FERMT1: variants seen among roughly 807,000 people sequenced by gnomAD.
FERMT1 encodes the protein FERM domain containing kindlin 1.
In FERMT1, 60 loss-of-function variants were observed where a neutral mutation model predicts 85.3. That is an observed-to-expected ratio of 0.70 (90% CI 0.57 to 0.87). The LOEUF is 0.87. FERMT1 is among the 40% of genes least tolerant of loss of function. The pLI, the probability that FERMT1 is intolerant of heterozygous loss-of-function variation, is 0.00. For missense variants in FERMT1, 701 were observed against 818.9 expected (o/e 0.86, Z 1.76); for synonymous variants, 275 against 301.1 (o/e 0.91, Z 0.90).
chr20:6,084,161 C>T lies in FERMT1; in HGVS notation c.1597G>A (p.Ala533Thr). ...CAKRHKSKQL[A>T]ARILEAHQNV... is the part of the protein sequence containing the mutation. ...TGGTGCGCCTCCAGGATCCGGGCGG[C>T]CAGCTGAACAGAAACAGACATCAAC... The change falls in exon 13 of 15, where the codon GCC becomes ACC. Residue 533 changes from alanine to threonine, a missense_variant. By Grantham distance (58) the Ala-to-Thr change is moderately conservative. Coordinates refer to ENST00000217289, the MANE Select transcript of FERMT1 (RefSeq NM_017671.5). 2.5e-6 allele frequency: 4 copies of T among 1,610,540 alleles called. No individual in the cohort carries two copies. Among genetic ancestry groups the T allele is most frequent in the Non-Finnish European group, 3.4e-6 (4 of 1,178,456 alleles).
In FERMT1 at chr20:6,085,782, C is replaced by G. The variant is rs113265330; in HGVS notation, c.1372-495G>C. ...GGAGATCCCTTGAACTCAGGAGATG[C>G]AGGTTGCAGTGAGCCAAGATTGCAC... On this transcript the variant is annotated intron_variant, in intron 11 of 14. Coordinates refer to ENST00000217289, the MANE Select transcript of FERMT1 (RefSeq NM_017671.5). Among the ~76,000 whole-genome samples, 857 of 150,888 alleles carry G rather than the reference C, an allele frequency of 5.7e-3. 6 individuals carry two copies. The highest frequency in any genetic ancestry group is 0.02 in the African/African-American group (802 of 41,032).
intron 14 of FERMT1, among the ~76,000 whole-genome samples, chr20:6,078,633 G>A (rs1482161438): frequency 7.4e-6 from 1 of 134,678 alleles, no homozygotes. Context: ...CTAGTTCAGC[G>A]TTTTTTTTTT....
intron 13 of FERMT1, among the ~76,000 whole-genome samples, chr20:6,081,105 A>T (rs1302072525): frequency 6.6e-6 from 1 of 152,064 alleles, no homozygotes; most frequent in Non-Finnish European, 1.5e-5. Context: ...TGGGTAACAC[A>T]GTGAGATCCC....
At chr20:6,114,294 G>A (rs144266057) in intron 3 of FERMT1, among the ~76,000 whole-genome samples, 1 of 152,296 alleles carries the variant, frequency 6.6e-6, no homozygotes, top group Non-Finnish European at 1.5e-5. Flanking sequence ...GTTAAGATTT[G>A]TGTCTTTTCT....
chr20:6,083,662 C>G (rs796660103), intron 13 of FERMT1, among the ~76,000 whole-genome samples: 4,185 of 138,526 alleles, frequency 0.03, 153 homozygotes, highest in South Asian at 0.063. Context: ...GACACCCCCC[C>G]CCCCGGCCAC....
intron 2 of FERMT1, among the ~76,000 whole-genome samples, chr20:6,116,729 C>A (rs372742555): frequency 4.3e-4 from 61 of 140,840 alleles, no homozygotes; most frequent in South Asian, 4.6e-4. Context: ...ATCTCTGTCT[C>A]AAAAAAAAAA....
chr20:6,088,369 G>A (rs911305256), intron 10 of FERMT1, among the ~76,000 whole-genome samples: 3 of 152,146 alleles, frequency 2.0e-5, no homozygotes, highest in African/African-American at 4.8e-5. Flanking sequence ...AACTTTTCAG[G>A]ATCTTACAGC....
chr20:6,095,112 A>G (rs2051076055), intron 8 of FERMT1, 124 bp from the exon 9 acceptor site: 2 of 659,128 alleles, frequency 3.0e-6, no homozygotes, highest in Non-Finnish European at 5.6e-6. Flanking sequence ...ATTAATTCAA[A>G]TTAAATAAAA....
intron 13 of FERMT1, among the ~76,000 whole-genome samples, chr20:6,080,549 G>A (rs1417142235): frequency 6.6e-6 from 1 of 152,174 alleles, no homozygotes; most frequent in African/African-American, 2.4e-5. Flanking sequence ...GTAGAGGCAG[G>A]AACACCAAGC....
Position 6,083,928 on chromosome 20 carries a change from T to G in FERMT1, c.1718+112A>C. The G allele has an allele frequency of 4.7e-6, 6 of 1,272,728 alleles. No homozygotes were observed. In the South Asian group the frequency reaches 6.3e-5, roughly 13 times the overall value. The allele number at this position is 1,272,728 out of a possible 1,614,324, so 78.8% of individuals were successfully genotyped here. Reference sequence around the variant, plus strand: ...CAGGACTATTTATAAAAGGGCAATATTCTCAAATAAAAAGCATTCTATATT... The same window carrying G: ...CAGGACTATTTATAAAAGGGCAATAGTCTCAAATAAAAAGCATTCTATATT... On this transcript the variant is annotated intron_variant, in intron 13 of 14. Coordinates refer to ENST00000217289, the MANE Select transcript of FERMT1 (RefSeq NM_017671.5).
rs1220426276 is a variant in FERMT1, at chr20:6,085,158, C to A, written c.1501G>T (p.Ala501Ser). The A allele has an allele frequency of 1.2e-6, 2 of 1,614,060 alleles. No homozygotes were observed. The highest frequency in any genetic ancestry group is 1.7e-6 in the Non-Finnish European group (2 of 1,180,036). ...SFLRMKNRNSASQVASSLENM... is the reference protein window; with the variant it reads ...SFLRMKNRNSSSQVASSLENM... The stretch of plus-strand genomic sequence containing the variant: ...TCGAGACTGGAAGCCACCTGAGATG[C>A]AGAGTTCCTGTTTTTCATCCTCAGA... The change falls in exon 12 of 15, where the codon GCA becomes TCA. Residue 501 changes from alanine to serine, a missense_variant. By Grantham distance (99) the Ala-to-Ser change is moderately conservative. Transcript: ENST00000217289.
intron 6 of FERMT1, among the ~76,000 whole-genome samples, chr20:6,101,199 G>A (rs990674130): frequency 6.6e-6 from 1 of 152,202 alleles, no homozygotes; most frequent in Admixed American, 6.5e-5. Context: ...AGGTAATTTG[G>A]TGACATAAAG....
chr20:6,112,498 G>C lies in FERMT1; in HGVS notation c.511C>G (p.Pro171Ala), dbSNP rs1280691705. The change falls in exon 4 of 15, where the codon CCA becomes GCA. Residue 171 changes from proline (P) to alanine (A), a missense_variant. Pro to Ala is a conservative substitution (Grantham distance 27, BLOSUM62 -1). Transcript: ENST00000217289. Reference protein sequence around the residue: ...IEDILNLESSPTASGSSVSPG... With the variant: ...IEDILNLESSATASGSSVSPG... The stretch of plus-strand genomic sequence containing the variant: ...TTACCTGATGAACCTGAAGCTGTTG[G>C]AGAACTCTCCAGGTTTAGAATATCT... 6.2e-7 allele frequency: 1 copy of C among 1,613,742 alleles called. No homozygotes were observed. Among genetic ancestry groups the C allele is most frequent in the South Asian group, 1.1e-5 (1 of 91,058 alleles).
intron 11 of FERMT1, among the ~76,000 whole-genome samples, chr20:6,086,167 A>T (rs1226987876): frequency 6.6e-6 from 1 of 151,802 alleles, no homozygotes; most frequent in Non-Finnish European, 1.5e-5. Flanking sequence ...GTCCAAGGAC[A>T]CAAAGAAGTG....
intron 12 of FERMT1, 47 bp downstream of exon 12, chr20:6,085,019 C>T (rs919929151): frequency 6.5e-7 from 1 of 1,534,928 alleles, no homozygotes; most frequent in Non-Finnish European, 9.0e-7. Context: ...TTTCTGTTTG[C>T]ATAAAGAATT....
chr20:6,089,092 G>A lies in FERMT1; in HGVS notation c.1140-3C>T. On this transcript the variant is annotated splice_polypyrimidine_tract_variant and splice_region_variant and intron_variant, in intron 9 of 14. Coordinates refer to ENST00000217289, the MANE Select transcript of FERMT1 (RefSeq NM_017671.5). Reference sequence around the variant, plus strand: ...CTTTTGGTAGTAACTTCTTGGGCCTGCAAATTCAAAGATAGTGAATGTTTA... The same window carrying A: ...CTTTTGGTAGTAACTTCTTGGGCCTACAAATTCAAAGATAGTGAATGTTTA... The A allele has an allele frequency of 6.2e-7, 1 of 1,610,552 alleles. No individual in the cohort carries two copies. The highest frequency in any genetic ancestry group is 8.5e-7 in the Non-Finnish European group (1 of 1,177,602).
intron 14 of FERMT1, among the ~76,000 whole-genome samples, chr20:6,077,975 C>T (rs56373556): frequency 0.072 from 10,754 of 150,342 alleles, 473 homozygotes; most frequent in South Asian, 0.12. Context: ...CCACTGCACC[C>T]GGCCTGCAGG....
intron 9 of FERMT1, among the ~76,000 whole-genome samples, chr20:6,091,481 C>T (rs1325347695): frequency 6.6e-6 from 1 of 152,108 alleles, no homozygotes; most frequent in Non-Finnish European, 1.5e-5. Flanking sequence ...ATCCGCCCAC[C>T]TTGGCCTCCC....
chr20:6,082,971 A>G (rs1049823549), intron 13 of FERMT1, among the ~76,000 whole-genome samples: 1 of 152,090 alleles, frequency 6.6e-6, no homozygotes, highest in African/African-American at 2.4e-5. Context: ...GAAAGTCTGA[A>G]TAGACTCCCC....
Sources: gnomAD v4.1 joint callset for allele counts (sites outside exome capture counted in the v4.1 genomes callset) on GRCh38, gnomAD v4.1.1 for gene constraint, MANE v1.5 for transcripts, NCBI Gene and HGNC (gene_info 2026-07-23, HGNC 2026-07-21) for gene names.